SLCO5A1: variants seen among roughly 807,000 people sequenced by gnomAD.
The protein encoded by SLCO5A1 is organic anion transporter polypeptide-related protein 4.
In SLCO5A1, 39 loss-of-function variants were observed where a neutral mutation model predicts 65.1. That is an observed-to-expected ratio of 0.60 (90% CI 0.46 to 0.78). The LOEUF is 0.78. SLCO5A1 is among the 30% of genes least tolerant of loss of function. The pLI, the probability that SLCO5A1 is intolerant of heterozygous loss-of-function variation, is 0.00. For missense variants in SLCO5A1, 1,029 were observed against 1,069.4 expected (o/e 0.96, Z 0.53); for synonymous variants, 438 against 415.7 (o/e 1.05, Z -0.65).
rs371873667 is a variant in SLCO5A1 at position 69,727,726 on chromosome 8, T to C, written c.1423+10314A>G. 2.6e-5 allele frequency among the ~76,000 whole-genome samples: 4 copies of C among 152,366 alleles called. No homozygotes were observed. In the South Asian group the frequency reaches 6.2e-4, roughly 24 times the overall value. On this transcript the variant is annotated intron_variant, in intron 5 of 9. Coordinates refer to ENST00000260126, the MANE Select transcript of SLCO5A1 (RefSeq NM_030958.3). ...TTGCTTTGGATTCCCAAAAGCTGTA[T>C]AGGCTTTTTAAAGTATTTTCACAAA...
intron 2 of SLCO5A1, among the ~76,000 whole-genome samples, chr8:69,814,255 G>A (rs1192919865): frequency 6.6e-6 from 1 of 152,074 alleles, no homozygotes; most frequent in African/African-American, 2.4e-5. Context: ...TGCACAGACA[G>A]CCCACAGATC....
In SLCO5A1 at chr8:69,668,299, C is replaced by A. The variant is rs1162093700; in HGVS notation, c.*4570G>T. The A allele has an allele frequency of 6.6e-6, 1 of 152,170 alleles. No homozygotes were observed. The highest frequency in any genetic ancestry group is 1.5e-5 in the Non-Finnish European group (1 of 68,032). 9.4% of individuals were successfully genotyped at this position (152,170 alleles called of 1,614,324 possible). A position where few individuals can be genotyped will look rare whatever the true frequency, so the allele number is the denominator to read the frequency against. Reference sequence around the variant, plus strand: ...TGCATGAGGCAACTACCTTTGCCTGCCAGCCGCAGCACTCTCTTATTATGG... The same window carrying A: ...TGCATGAGGCAACTACCTTTGCCTGACAGCCGCAGCACTCTCTTATTATGG... On this transcript the variant is annotated 3_prime_UTR_variant, in exon 10 of 10. Coordinates refer to ENST00000260126, the MANE Select transcript of SLCO5A1 (RefSeq NM_030958.3).
chr8:69,789,176 T>C (rs895597409), intron 2 of SLCO5A1, among the ~76,000 whole-genome samples: 1 of 152,220 alleles, frequency 6.6e-6, no homozygotes, highest in Non-Finnish European at 1.5e-5. Context: ...GGGCCTCAGC[T>C]ACTATAGAGC....
At chr8:69,726,499 T>C (rs1234763867) in intron 5 of SLCO5A1, among the ~76,000 whole-genome samples, 20 of 145,240 alleles carry the variant, frequency 1.4e-4, no homozygotes, top group Admixed American at 1.4e-4. Context: ...CTACCTCCTT[T>C]TTTTTTTTTT....
chr8:69,820,701 T>TA (rs1303420017), intron 2 of SLCO5A1, among the ~76,000 whole-genome samples: 1 of 151,872 alleles, frequency 6.6e-6, no homozygotes, highest in African/African-American at 2.4e-5. Context: ...TAATAAAGTT[T>TA]AAAAAAATAT....
intron 5 of SLCO5A1, among the ~76,000 whole-genome samples, chr8:69,730,069 A>G (rs1816263443): frequency 6.6e-6 from 1 of 152,250 alleles, no homozygotes; most frequent in South Asian, 2.1e-4. Flanking sequence ...TAATTAGCTC[A>G]CTTAATATTT....
At chr8:69,754,894 C>T (rs2380598) in intron 4 of SLCO5A1, among the ~76,000 whole-genome samples, 49,614 of 152,062 alleles carry the variant, frequency 0.33, 9,714 homozygotes, top group East Asian at 0.63. Context: ...GACAGAGCTG[C>T]TAAGTGAGAT....
At chr8:69,721,309 T>A (rs1325023417) in intron 5 of SLCO5A1, among the ~76,000 whole-genome samples, 1 of 152,188 alleles carries the variant, frequency 6.6e-6, no homozygotes, top group Non-Finnish European at 1.5e-5. Flanking sequence ...GAAATAATGA[T>A]CTCTTTTGTT....
chr8:69,682,038 C>A, intron 7 of SLCO5A1, 146 bp downstream of exon 7: 1 of 829,418 alleles, frequency 1.2e-6, no homozygotes, highest in Non-Finnish European at 1.8e-6. Flanking sequence ...TTTCTTTCCT[C>A]TAGGTTTTCA....
chr8:69,705,536 C>T (rs900624041), intron 5 of SLCO5A1, among the ~76,000 whole-genome samples: 2 of 152,046 alleles, frequency 1.3e-5, no homozygotes, highest in African/African-American at 4.8e-5. Context: ...AAACAATAAA[C>T]ACGTGAAAGG....
At chr8:69,801,270 AGCT>A (rs1819724120) in intron 2 of SLCO5A1, among the ~76,000 whole-genome samples, 1 of 152,250 alleles carries the variant, frequency 6.6e-6, no homozygotes, top group Non-Finnish European at 1.5e-5. Context: ...AAATTAGTAG[AGCT>A]GTAAAGACCT....
rs1251088051 is a variant in SLCO5A1, at chr8:69,686,893, A to T, written c.1623-4550T>A. Among the ~76,000 whole-genome samples the T allele has an allele frequency of 5.3e-5, 8 of 152,298 alleles. No individual in the cohort carries two copies. In the East Asian group the frequency reaches 1.5e-3, roughly 29 times the overall value. ...AAGAGCTGGGTTCAATTTCATATCCACAATTCACAAGTGCTGTGAATTTCA... is the reference window on the plus strand; with the variant it reads ...AAGAGCTGGGTTCAATTTCATATCCTCAATTCACAAGTGCTGTGAATTTCA... On this transcript the variant is annotated intron_variant, in intron 6 of 9. Transcript: ENST00000260126.
rs1813219980 is a variant in SLCO5A1 at position 69,667,647 on chromosome 8, T to C, written c.*5222A>G. On this transcript the variant is annotated 3_prime_UTR_variant, in exon 10 of 10. Transcript: ENST00000260126. ...TATTTTCTCCTTCAATTTTAACATGTAGTGATAGGATACCAGAAAAGATAA... is the reference window on the plus strand; with the variant it reads ...TATTTTCTCCTTCAATTTTAACATGCAGTGATAGGATACCAGAAAAGATAA... The C allele has an allele frequency of 6.6e-6, 1 of 152,218 alleles. No homozygotes were observed. The highest frequency in any genetic ancestry group is 1.5e-5 in the Non-Finnish European group (1 of 68,028). The allele number at this position is 152,218 out of a possible 1,614,324, so 9.4% of individuals were successfully genotyped here.
intron 6 of SLCO5A1, among the ~76,000 whole-genome samples, chr8:69,683,225 T>C (rs1207109404): frequency 1.3e-5 from 2 of 152,218 alleles, no homozygotes; most frequent in Non-Finnish European, 2.9e-5. Context: ...GTACTGCTCG[T>C]ACCCCATGAC....
chr8:69,821,006 T>C (rs995481359), intron 2 of SLCO5A1, among the ~76,000 whole-genome samples: 1 of 152,172 alleles, frequency 6.6e-6, no homozygotes, highest in Non-Finnish European at 1.5e-5. Context: ...TTCTGCCCTT[T>C]TCTGGTGCTC....
At chr8:69,795,710 C>A (rs1490424496) in intron 2 of SLCO5A1, among the ~76,000 whole-genome samples, 1 of 152,228 alleles carries the variant, frequency 6.6e-6, no homozygotes, top group Non-Finnish European at 1.5e-5. Flanking sequence ...CTCCACTAGG[C>A]AGTGCCCCAA....
At chr8:69,710,573 T>C (rs1815193924) in intron 5 of SLCO5A1, among the ~76,000 whole-genome samples, 1 of 152,202 alleles carries the variant, frequency 6.6e-6, no homozygotes, top group South Asian at 2.1e-4. Flanking sequence ...ATCAATGTGA[T>C]TAATTTACCT....
At chr8:69,763,753 G>A (rs1817919484) in intron 2 of SLCO5A1, among the ~76,000 whole-genome samples, 1 of 138,686 alleles carries the variant, frequency 7.2e-6, no homozygotes, top group Admixed American at 7.5e-5. Flanking sequence ...GTAATATTTT[G>A]TCAATTTTAA....
intron 5 of SLCO5A1, among the ~76,000 whole-genome samples, chr8:69,709,847 T>C (rs545031778): frequency 1.3e-5 from 2 of 152,192 alleles, no homozygotes; most frequent in South Asian, 4.1e-4. Flanking sequence ...CCAGACAATA[T>C]TGGACACCAG....
Sources: gnomAD v4.1 joint callset for allele counts (sites outside exome capture counted in the v4.1 genomes callset) on GRCh38, gnomAD v4.1.1 for gene constraint, MANE v1.5 for transcripts, NCBI Gene and HGNC (gene_info 2026-07-23, HGNC 2026-07-21) for gene names.